Variants in ATP10B observed in about 807,000 individuals in gnomAD.
The protein encoded by ATP10B is phospholipid-transporting ATPase VB.
In ATP10B, 122 loss-of-function variants were observed where a neutral mutation model predicts 141.2. That is an observed-to-expected ratio of 0.86 (90% CI 0.75 to 1.00). The LOEUF (loss-of-function observed/expected upper bound fraction) is 1.00. Among genes scored for constraint, ATP10B ranks in the 50% least tolerant of loss-of-function variants. The pLI, the probability that ATP10B is intolerant of heterozygous loss-of-function variation, is 0.00. For missense variants in ATP10B, 1,876 were observed against 1,825.3 expected, an observed-to-expected ratio of 1.03 and a Z score of -0.51; for synonymous variants, 685 against 692.0, an observed-to-expected ratio of 0.99 and a Z score of 0.16.
intron 2 of ATP10B, among the ~76,000 whole-genome samples, chr5:160,768,896 C>A (rs1561834935): frequency 1.3e-5 from 2 of 152,114 alleles, no homozygotes; most frequent in African/African-American, 4.8e-5. Flanking sequence ...ATGCAGAACA[C>A]AGGGGTAAAT....
At chr5:160,732,512 T>A (rs1468838523) in intron 2 of ATP10B, among the ~76,000 whole-genome samples, 2 of 152,222 alleles carry the variant, frequency 1.3e-5, no homozygotes, top group Non-Finnish European at 2.9e-5. Context: ...TTCATTCTTC[T>A]GCATATGGAT....
chr5:160,865,012 A>G, the ATP10B span, among the ~76,000 whole-genome samples: 6 of 152,198 alleles, frequency 3.9e-5, 1 homozygote, highest in Admixed American at 3.9e-4. Context: ...AGCAATCTAC[A>G]CATTCAATGC....
At chr5:160,662,948 A>G (rs1039691222) in intron 7 of ATP10B, among the ~76,000 whole-genome samples, 1 of 152,246 alleles carries the variant, frequency 6.6e-6, no homozygotes, top group African/African-American at 2.4e-5. Context: ...ACAAATTTAC[A>G]AGAAACAACC....
In ATP10B at chr5:160,686,075, T is replaced by C; in HGVS notation, c.470+4A>G. 5 of 1,553,842 alleles carry C rather than the reference T, an allele frequency of 3.2e-6. No homozygotes were observed. Among genetic ancestry groups the C allele is most frequent in the Non-Finnish European group, 4.4e-6 (5 of 1,141,656 alleles). ...AGAGAGAACACAGGGATGGTTTTTC[T>C]TACCTTTCATAAATTCGAATGTTGG... On this transcript the variant is annotated splice_donor_region_variant and intron_variant, in intron 6 of 25. Transcript: ENST00000327245.
intron 2 of ATP10B, among the ~76,000 whole-genome samples, chr5:160,749,972 T>C (rs986506322): frequency 7.2e-5 from 11 of 152,332 alleles, no homozygotes; most frequent in Non-Finnish European, 1.6e-4. Flanking sequence ...CCTGGTGCGA[T>C]TACCAACGGT....
At chr5:160,654,704 G>GTCATCGTCATCGTCA (rs1554101049) in intron 7 of ATP10B, among the ~76,000 whole-genome samples, 2,741 of 152,022 alleles carry the variant, frequency 0.018, 75 homozygotes, top group African/African-American at 0.058. Flanking sequence ...TGTCGTCATC[G>GTCATCGTCATCGTCA]TCATCATCAT....
chr5:160,606,942 C>T lies in ATP10B; in HGVS notation c.2983G>A (p.Gly995Arg), dbSNP rs1253567786. The T allele has an allele frequency of 6.2e-7, 1 of 1,614,172 alleles. No individual in the cohort carries two copies. Among genetic ancestry groups the T allele is most frequent in the South Asian group, 1.1e-5 (1 of 91,082 alleles). The change falls in exon 19 of 26, where the codon GGA becomes AGA. Residue 995 changes from glycine (G) to arginine (R), a missense_variant. Transcript: ENST00000327245. ...ITSEAVVPEA[G>R]LVIDGKTLNA... The stretch of plus-strand genomic sequence containing the variant: ...AATGTCTTCCCATCGATGACCAATC[C>T]AGCTTCTGGAACCACAGCTTCTGAG...
chr5:160,783,095 T>A (rs1208507081), intron 2 of ATP10B, among the ~76,000 whole-genome samples: 1 of 151,982 alleles, frequency 6.6e-6, no homozygotes, highest in African/African-American at 2.4e-5. Flanking sequence ...TAGTGGTGAT[T>A]TGTGAGATTT....
intron 1 of ATP10B, among the ~76,000 whole-genome samples, chr5:160,811,265 T>G (rs1275809646): frequency 6.6e-6 from 1 of 152,154 alleles, no homozygotes; most frequent in Non-Finnish European, 1.5e-5. Context: ...GGAGTGATTA[T>G]GGGGAGAGGT....
the ATP10B span, among the ~76,000 whole-genome samples, chr5:160,917,269 CTTTTTT>C: frequency 7.8e-6 from 1 of 127,690 alleles, no homozygotes. Flanking sequence ...TAGGGTACTT[CTTTTTT>C]TTTTTTTTTT....
chr5:160,850,747 C>T (rs1753753900), intron 1 of ATP10B, among the ~76,000 whole-genome samples: 1 of 152,114 alleles, frequency 6.6e-6, no homozygotes. Context: ...TATTAATCCA[C>T]CCATATGTGA....
At position 160,647,548 on chromosome 5, in the gene ATP10B, G is replaced by A. The variant is rs560313188; in HGVS notation, c.761+1623C>T. ...CGTCTGAGAGGGGCAGGCTGGAGCA[G>A]GTTGAAAGCTGAGAAAGGCTGGCTG... On this transcript the variant is annotated intron_variant, in intron 8 of 25. Coordinates refer to ENST00000327245, the MANE Select transcript of ATP10B (RefSeq NM_025153.3). Among the ~76,000 whole-genome samples, 4 of 152,292 alleles carry A rather than the reference G, an allele frequency of 2.6e-5. No homozygotes were observed. The South Asian group carries it at 8.3e-4, about 32-fold the overall frequency.
rs966786267 is a variant in ATP10B, at chr5:160,607,056, A to G, written c.2869T>C (p.Leu957=). The change falls in exon 19 of 26, where the codon TTG becomes CTG. Residue 957 remains leucine, a synonymous_variant. Transcript: ENST00000327245. The stretch of plus-strand genomic sequence containing the variant: ...TCACGAAATTGCTTTAGCTCTTCCA[A>G]TGCACAATTGAGGATGGATTCACAG... The part of the protein sequence containing the change: ...ETCESILNCA[L]EELKQFRELQ... 2.5e-6 allele frequency: 4 copies of G among 1,613,900 alleles called. No homozygotes were observed. The highest frequency in any genetic ancestry group is 3.4e-6 in the Non-Finnish European group (4 of 1,179,916).
At chr5:160,687,702 T>G in intron 5 of ATP10B, 98 bp downstream of exon 5, 1 of 1,352,666 alleles carries the variant, frequency 7.4e-7, no homozygotes, top group Non-Finnish European at 1.0e-6. Flanking sequence ...GAGGTGAAGG[T>G]TGCAGTGAGC....
chr5:160,603,444 G>A (rs1156980195), intron 20 of ATP10B, among the ~76,000 whole-genome samples: 2 of 152,014 alleles, frequency 1.3e-5, no homozygotes, highest in African/African-American at 2.4e-5. Flanking sequence ...GACTTTTTTT[G>A]CAATTTTTTT....
At chr5:160,768,333 C>T (rs1470294997) in intron 2 of ATP10B, among the ~76,000 whole-genome samples, 1 of 152,126 alleles carries the variant, frequency 6.6e-6, no homozygotes, top group East Asian at 1.9e-4. Context: ...TGCCATGTAC[C>T]TAAATTCATA....
chr5:160,603,690 A>G (rs1757223488), intron 20 of ATP10B: 1 of 443,182 alleles, frequency 2.3e-6, no homozygotes, highest in Admixed American at 3.3e-5. Context: ...TGGAAATACA[A>G]TTGTTAATGG....
the ATP10B span, among the ~76,000 whole-genome samples, chr5:160,867,602 C>G: frequency 1.3e-5 from 2 of 152,120 alleles, no homozygotes; most frequent in Middle Eastern, 3.4e-3. Flanking sequence ...AGCATGTATC[C>G]ATATGATATT....
intron 1 of ATP10B, among the ~76,000 whole-genome samples, chr5:160,793,104 T>C (rs1195287353): frequency 2.0e-5 from 3 of 152,224 alleles, no homozygotes; most frequent in South Asian, 4.1e-4. Context: ...TGCACCAACA[T>C]TTATTGTTGA....
Sources: allele counts gnomAD v4.1 joint callset (sites outside exome capture counted in the v4.1 genomes callset), GRCh38; gene constraint gnomAD v4.1.1; transcripts MANE v1.5; gene names NCBI Gene and HGNC (gene_info 2026-07-23, HGNC 2026-07-21).